USP36: variants seen among roughly 807,000 people sequenced by gnomAD.
USP36 encodes the protein ubiquitin carboxyl-terminal hydrolase 36.
A neutral mutation model predicts 111.5 loss-of-function variants in USP36; 59 were observed. The observed-to-expected ratio is 0.53, with a 90% CI of 0.43 to 0.66. The LOEUF is 0.66. Ranked by LOEUF, USP36 falls within the 30% of genes least tolerant of loss-of-function variation. The pLI, the probability that USP36 is intolerant of heterozygous loss-of-function variation, is 0.00. For missense variants in USP36, 1,488 were observed against 1,468.0 expected (o/e 1.01, Z -0.22); for synonymous variants, 628 against 581.0 (o/e 1.08, Z -1.16).
chr17:78,803,460 C>A lies in USP36; in HGVS notation c.2735G>T (p.Ser912Ile). The change falls in exon 16 of 21, where the codon AGC (serine) becomes ATC (isoleucine). Residue 912 changes from serine (S) to isoleucine (I), a missense_variant. Ser to Ile is a moderately radical substitution (Grantham distance 142). This residue lies in a region of USP36 where 1,073 missense variants were observed against 994.1 expected (regional missense o/e 1.08). Transcript: ENST00000449938. The surrounding 1 kb of genome is among the most constrained non-coding windows in gnomAD (Gnocchi z 4.6). ...TGCTCCTTTCCTCCTCCGCTTCCTG[C>A]TGCTCGCGTGGTGGCCGTCCGTAAC... The part of the protein sequence containing the change: ...GCVTDGHHAS[S>I]RKRRRKGAEG... 1 of 1,614,184 alleles carries A rather than the reference C, an allele frequency of 6.2e-7. No homozygotes were observed. The highest frequency in any genetic ancestry group is 1.1e-5 in the South Asian group (1 of 91,084).
Position 78,798,131 on chromosome 17 carries a change from C to T in USP36, c.*21-252G>A. 4.4e-6 allele frequency: 2 copies of T among 455,254 alleles called. No individual in the cohort carries two copies. Among genetic ancestry groups the T allele is most frequent in the South Asian group, 6.6e-5 (2 of 30,336 alleles). 28.2% of individuals were successfully genotyped at this position (455,254 alleles called of 1,614,324 possible). A position where few individuals can be genotyped will look rare whatever the true frequency, so the allele number is the denominator to read the frequency against. ...CCACAGATGCCAGGTGTACACACCC[C>T]ACACCCAACACACACTACACACACC... On this transcript the variant is annotated intron_variant, in intron 20 of 20. Coordinates refer to ENST00000449938, the MANE Select transcript of USP36 (RefSeq NM_001385174.1). This position sits in a 1 kb window ranked among gnomAD's most constrained non-coding sequence, Gnocchi z 5.1.
At chr17:78,832,021 G>C (rs556645511) in intron 4 of USP36, among the ~76,000 whole-genome samples, 30 of 151,624 alleles carry the variant, frequency 2.0e-4, no homozygotes, top group Non-Finnish European at 3.1e-4. Context: ...TCTAAGCCAG[G>C]TTCTCCAGCA....
At chr17:78,791,004 A>T (rs2093578757), downstream of USP36, among the ~76,000 whole-genome samples, 2 of 152,156 alleles carry the variant, frequency 1.3e-5, no homozygotes, top group Admixed American at 1.3e-4. Context: ...GTATCGTGAG[A>T]GTGACAGCTG....
intron 17 of USP36, among the ~76,000 whole-genome samples, chr17:78,799,975 G>A (rs913334030): frequency 6.9e-6 from 1 of 144,830 alleles, no homozygotes; most frequent in Non-Finnish European, 1.5e-5. Flanking sequence ...GCCTCCCAAG[G>A]TGCTGGGATT....
chr17:78,809,179 CATTT>C (rs1003229608), intron 13 of USP36, among the ~76,000 whole-genome samples: 12 of 152,130 alleles, frequency 7.9e-5, no homozygotes, highest in African/African-American at 2.7e-4. Context: ...TTTATTGCTT[CATTT>C]GTTTGTAGTA....
chr17:78,810,346 G>A (rs2094018281), intron 13 of USP36, among the ~76,000 whole-genome samples: 1 of 152,030 alleles, frequency 6.6e-6, no homozygotes, highest in African/African-American at 2.4e-5. Context: ...GGTGTGGAGT[G>A]GTATGATCAT....
intron 6 of USP36, among the ~76,000 whole-genome samples, chr17:78,822,307 C>T (rs1277599209): frequency 6.6e-6 from 1 of 152,206 alleles, no homozygotes; most frequent in Non-Finnish European, 1.5e-5. Flanking sequence ...TACGTGTATC[C>T]TCACCCAGTG....
At chr17:78,809,797 A>T (rs768135763) in intron 13 of USP36, among the ~76,000 whole-genome samples, 3 of 151,958 alleles carry the variant, frequency 2.0e-5, no homozygotes, top group Admixed American at 1.3e-4. Flanking sequence ...TAATTTTTGC[A>T]CTTTTTTTGG....
chr17:78,831,340 TG>T (rs1376177871), intron 4 of USP36, among the ~76,000 whole-genome samples: 1 of 143,930 alleles, frequency 6.9e-6, no homozygotes. Flanking sequence ...AAAATGGCCA[TG>T]GGGGCCCACA....
Position 78,828,978 on chromosome 17 carries a change from C to A in USP36, c.505G>T (p.Val169Phe). The A allele has an allele frequency of 2.5e-6, 4 of 1,614,040 alleles. No individual in the cohort carries two copies. The highest frequency in any genetic ancestry group is 2.5e-6 in the Non-Finnish European group (3 of 1,179,998). ...GCCTGGACAATGTGGTTCTGCATGACACACAGCATGCAGAAGCTTCCCTGG... is the reference window on the plus strand; with the variant it reads ...GCCTGGACAATGTGGTTCTGCATGAAACACAGCATGCAGAAGCTTCCCTGG... The part of the protein sequence containing the change: ...CHQGSFCMLC[V>F]MQNHIVQAFA... Residue 169 changes from valine to phenylalanine, a missense_variant, in exon 5 of 21, where the codon GTC (valine) becomes TTC (phenylalanine). Physicochemically the swap from Val to Phe is conservative, Grantham distance 50. Coordinates refer to ENST00000449938, the MANE Select transcript of USP36 (RefSeq NM_001385174.1).
chr17:78,834,508 T>C lies in USP36; in HGVS notation c.475+772A>G, dbSNP rs567000917. 1.7e-3 allele frequency among the ~76,000 whole-genome samples: 261 copies of C among 152,134 alleles called. 2 individuals carry two copies. Among genetic ancestry groups the C allele is most frequent in the Non-Finnish European group, 1.3e-3 (85 of 67,984 alleles). ...CCCAGGCTGGAGTGCAGCGGCATGA[T>C]CTTGGTCAGCTCACTGCAACCTCCA... is the stretch of plus-strand genomic sequence containing the variant. On this transcript the variant is annotated intron_variant, in intron 4 of 20. Transcript: ENST00000449938.
chr17:78,824,477 G>GAC (rs2067354124), intron 6 of USP36, among the ~76,000 whole-genome samples: 1 of 152,162 alleles, frequency 6.6e-6, no homozygotes, highest in Admixed American at 6.5e-5. Flanking sequence ...CCAGGAGGTG[G>GAC]AGCCTGCCGT....
At position 78,820,996 on chromosome 17, in the gene USP36, T is replaced by G. The variant is rs781132569; in HGVS notation, c.823A>C (p.Ile275Leu). ...YDPYLDVALE[I>L]RQAANIVRAL... ...AGGGCAGGACAGATCTGTACCCGGA[T>G]CTCCAGCGCGACGTCCAAGTAGGGG... is the stretch of plus-strand genomic sequence containing the variant. Residue 275 changes from isoleucine to leucine, a missense_variant, in exon 8 of 21, where the codon ATC becomes CTC. Physicochemically the swap from Ile to Leu is conservative, Grantham distance 5. Transcript: ENST00000449938. 1.2e-6 allele frequency: 2 copies of G among 1,608,412 alleles called. No individual in the cohort carries two copies. Among genetic ancestry groups the G allele is most frequent in the Admixed American group, 3.4e-5 (2 of 59,472 alleles).
At position 78,816,094 on chromosome 17, in the gene USP36, G is replaced by C. The variant is rs549937103; in HGVS notation, c.1024-1542C>G. The stretch of plus-strand genomic sequence containing the variant: ...AGGACAGCACAGAGCCCACATGACA[G>C]GATTGCCATTATTCTGGGTCATATA... On this transcript the variant is annotated intron_variant, in intron 10 of 20. Transcript: ENST00000449938. 3.9e-5 allele frequency among the ~76,000 whole-genome samples: 6 copies of C among 152,196 alleles called. No individual in the cohort carries two copies. In the East Asian group the frequency reaches 1.2e-3, roughly 29 times the overall value.
rs116298355 is a variant in USP36, at chr17:78,835,607, G to A, written c.254-106C>T. Reference sequence around the variant, plus strand: ...GCATACACTTAGCATGCAGTGACTCGGAACATGGCACCAGAGAAGAACTGG... The same window carrying A: ...GCATACACTTAGCATGCAGTGACTCAGAACATGGCACCAGAGAAGAACTGG... On this transcript the variant is annotated intron_variant, in intron 3 of 20. Transcript: ENST00000449938. The A allele has an allele frequency of 2.1e-4, 225 of 1,092,078 alleles. No homozygotes were observed. In the African/African-American group the frequency reaches 2.9e-3, roughly 14 times the overall value. The allele number at this position is 1,092,078 out of a possible 1,614,324, so 67.6% of individuals were successfully genotyped here. A position where few individuals can be genotyped will look rare whatever the true frequency, so the allele number is the denominator to read the frequency against.
At chr17:78,838,291 G>T (rs2068867256) in intron 2 of USP36, among the ~76,000 whole-genome samples, 1 of 147,020 alleles carries the variant, frequency 6.8e-6, no homozygotes, top group Non-Finnish European at 1.5e-5. Flanking sequence ...AGAATTGCTT[G>T]AACACGGGAG....
At chr17:78,817,625 G>A (rs982610774) in intron 10 of USP36, among the ~76,000 whole-genome samples, 2 of 151,846 alleles carry the variant, frequency 1.3e-5, no homozygotes, top group African/African-American at 4.8e-5. Flanking sequence ...TGTGGTGGTG[G>A]GCGCCTTAAT....
chr17:78,825,128 C>T (rs2067419378), intron 6 of USP36, among the ~76,000 whole-genome samples: 1 of 152,148 alleles, frequency 6.6e-6, no homozygotes, highest in African/African-American at 2.4e-5. Context: ...ATGAAAACTG[C>T]ATCATCAGTA....
At chr17:78,831,235 AAAAAAAAAAAAAAAAAAAG>A (rs1029903194) in intron 4 of USP36, among the ~76,000 whole-genome samples, 12 of 145,998 alleles carry the variant, frequency 8.2e-5, no homozygotes, top group African/African-American at 2.6e-4. Flanking sequence ...CAAAAAAAAA[AAAAAAAAAAAAAAAAAAAG>A]GGACAACATA....
Sources: allele counts gnomAD v4.1 joint callset (sites outside exome capture counted in the v4.1 genomes callset), GRCh38; gene constraint gnomAD v4.1.1; regional missense constraint gnomAD v4.1.1; non-coding constraint Gnocchi (gnomAD v3.1); transcripts MANE v1.5; gene names NCBI Gene and HGNC (gene_info 2026-07-23, HGNC 2026-07-21).